The following EEFSEC variants were observed in gnomAD, a reference collection of about 807,000 sequenced individuals.
EEFSEC encodes eukaryotic elongation factor, selenocysteine-tRNA specific, also known as selenocysteine-specific elongation factor.
In EEFSEC, 43 loss-of-function variants were observed where a neutral mutation model predicts 42.1. The observed-to-expected ratio is 1.02, with a 90% CI of 0.80 to 1.32. The LOEUF (loss-of-function observed/expected upper bound fraction) is 1.32, where lower values mean the gene tolerates loss of function less well. EEFSEC is among the 40% of genes most tolerant of loss of function. The pLI, the probability that EEFSEC is intolerant of heterozygous loss-of-function variation, is 0.00. For synonymous variants in EEFSEC, 354 were observed against 339.1 expected (o/e 1.04, Z -0.48); for missense variants, 745 against 803.6 (o/e 0.93, Z 0.88).
At chr3:128,367,031 C>T (rs768359436) in intron 6 of EEFSEC, among the ~76,000 whole-genome samples, 7 of 151,846 alleles carry the variant, frequency 4.6e-5, no homozygotes, top group African/African-American at 7.3e-5. Context: ...GGCTTGCAGA[C>T]GGCTGCCTTC....
chr3:128,374,331 C>T (rs966048259), intron 6 of EEFSEC, among the ~76,000 whole-genome samples: 1 of 151,970 alleles, frequency 6.6e-6, no homozygotes, highest in Non-Finnish European at 1.5e-5. Flanking sequence ...CTTGTGTAAG[C>T]GGACCGTGCT....
chr3:128,250,029 A>G (rs748807934), intron 2 of EEFSEC, among the ~76,000 whole-genome samples: 21 of 152,090 alleles, frequency 1.4e-4, no homozygotes, highest in Non-Finnish European at 2.8e-4. Flanking sequence ...TCATGGTTTA[A>G]TGGCCATTTG....
intron 6 of EEFSEC, among the ~76,000 whole-genome samples, chr3:128,397,821 A>G (rs2067999932): frequency 6.6e-6 from 1 of 152,270 alleles, no homozygotes; most frequent in Non-Finnish European, 1.5e-5. Flanking sequence ...ATGAGCCCCA[A>G]GGGAAGGGGC....
chr3:128,366,030 T>C (rs535430758), intron 6 of EEFSEC, among the ~76,000 whole-genome samples: 1 of 152,316 alleles, frequency 6.6e-6, no homozygotes, highest in South Asian at 2.1e-4. Context: ...TCAGGGGCTC[T>C]CAGACCCAGG....
intron 6 of EEFSEC, among the ~76,000 whole-genome samples, chr3:128,379,950 G>C (rs1175692202): frequency 1.3e-5 from 2 of 152,274 alleles, no homozygotes; most frequent in Non-Finnish European, 2.9e-5. Context: ...TCCACCTTGT[G>C]TTGGCACATA....
chr3:128,298,018 G>A (rs1211262093), intron 4 of EEFSEC, among the ~76,000 whole-genome samples: 1 of 152,202 alleles, frequency 6.6e-6, no homozygotes, highest in African/African-American at 2.4e-5. Context: ...GGCAGGGAGT[G>A]GGAATCCTCC....
At position 128,164,114 on chromosome 3, in the gene EEFSEC, T is replaced by C. The variant is rs139133585; in HGVS notation, c.316+10291T>C. Among the ~76,000 whole-genome samples the C allele has an allele frequency of 2.0e-3, 302 of 152,268 alleles. 1 individual carries two copies. Among genetic ancestry groups the C allele is most frequent in the African/African-American group, 6.8e-3 (284 of 41,558 alleles). The stretch of plus-strand genomic sequence containing the variant: ...TGGAGACATTTGGGCTGGTAGGCCT[T>C]GTTTTAAGGGCTTTCGGCAGCTTGT... On this transcript the variant is annotated intron_variant, in intron 1 of 6. Coordinates refer to ENST00000254730, the MANE Select transcript of EEFSEC (RefSeq NM_021937.5).
chr3:128,381,630 G>C (rs969079867), intron 6 of EEFSEC, among the ~76,000 whole-genome samples: 2 of 152,182 alleles, frequency 1.3e-5, no homozygotes, highest in Non-Finnish European at 2.9e-5. Flanking sequence ...GACAGCTTTG[G>C]GCCTGCTTCC....
At chr3:128,154,875 A>G (rs1944346118) in intron 1 of EEFSEC, among the ~76,000 whole-genome samples, 1 of 152,234 alleles carries the variant, frequency 6.6e-6, no homozygotes, top group African/African-American at 2.4e-5. Context: ...TATGTAGGAT[A>G]ATAGATAATA....
At chr3:128,171,666 T>A (rs1015114903) in intron 1 of EEFSEC, among the ~76,000 whole-genome samples, 2 of 152,144 alleles carry the variant, frequency 1.3e-5, no homozygotes, top group African/African-American at 4.8e-5. Context: ...CTCCCTGCCT[T>A]CCAGAGGCAC....
chr3:128,164,972 C>T (rs762290323), intron 1 of EEFSEC, among the ~76,000 whole-genome samples: 3 of 152,302 alleles, frequency 2.0e-5, no homozygotes, highest in South Asian at 2.1e-4. Flanking sequence ...GCAGGCAAGG[C>T]GGATGCCATC....
chr3:128,177,888 A>G (rs1346099311), intron 1 of EEFSEC, among the ~76,000 whole-genome samples: 1 of 152,218 alleles, frequency 6.6e-6, no homozygotes, highest in Non-Finnish European at 1.5e-5. Flanking sequence ...GACGTGTGGC[A>G]CATTTAGAAT....
At chr3:128,415,521 A>T in the EEFSEC span, among the ~76,000 whole-genome samples, 1 of 152,296 alleles carries the variant, frequency 6.6e-6, no homozygotes, top group East Asian at 1.9e-4. Flanking sequence ...GCAGCGCCTC[A>T]CTGCCCCAGT....
At chr3:128,402,212 C>T (rs1207737789) in intron 6 of EEFSEC, among the ~76,000 whole-genome samples, 5 of 152,238 alleles carry the variant, frequency 3.3e-5, no homozygotes, top group Admixed American at 2.6e-4. Context: ...CCACTCCCGA[C>T]CCCTGACAGC....
chr3:128,292,252 T>A (rs1182612316), intron 4 of EEFSEC, among the ~76,000 whole-genome samples: 2 of 152,078 alleles, frequency 1.3e-5, no homozygotes, highest in Non-Finnish European at 2.9e-5. Context: ...TCATTTTGAA[T>A]TTATGAGGTA....
intron 4 of EEFSEC, among the ~76,000 whole-genome samples, chr3:128,315,728 A>G (rs1273653561): frequency 1.3e-5 from 2 of 152,242 alleles, no homozygotes; most frequent in African/African-American, 4.8e-5. Context: ...CATACTCGTC[A>G]GGGCCAGTGG....
chr3:128,246,005 A>G (rs1401351748), intron 1 of EEFSEC, among the ~76,000 whole-genome samples: 5 of 152,206 alleles, frequency 3.3e-5, no homozygotes, highest in African/African-American at 1.2e-4. Flanking sequence ...CTTCATTTTA[A>G]TAGGGAAAAT....
chr3:128,278,368 C>T (rs1237286168), intron 4 of EEFSEC, among the ~76,000 whole-genome samples: 1 of 152,090 alleles, frequency 6.6e-6, no homozygotes, highest in African/African-American at 2.4e-5. Context: ...ACCGATGGAC[C>T]CCAGATCTCT....
chr3:128,342,268 G>A (rs1432122150), intron 5 of EEFSEC, among the ~76,000 whole-genome samples: 4 of 152,248 alleles, frequency 2.6e-5, no homozygotes, highest in Non-Finnish European at 5.9e-5. Flanking sequence ...CCCTGATCAG[G>A]CCCCACTCTC....
Sources: gnomAD v4.1 joint callset for allele counts (sites outside exome capture counted in the v4.1 genomes callset) on GRCh38, gnomAD v4.1.1 for gene constraint, MANE v1.5 for transcripts, NCBI Gene and HGNC (gene_info 2026-07-23, HGNC 2026-07-21) for gene names.